The following BPIFB2 variants were observed in gnomAD, a reference collection of about 807,000 sequenced individuals.
BPIFB2 encodes BPI fold-containing family B member 2.
Under a neutral mutation model 50.1 loss-of-function variants are expected in BPIFB2, and 39 were observed. That is an observed-to-expected ratio of 0.78 (90% confidence interval 0.60 to 1.02). BPIFB2 has a LOEUF of 1.02. Among genes scored for constraint, BPIFB2 ranks in the 50% least tolerant of loss-of-function variants. The pLI, the probability that BPIFB2 is intolerant of heterozygous loss-of-function variation, is 0.00. For synonymous variants in BPIFB2, 280 were observed against 256.3 expected, an observed-to-expected ratio of 1.09 and a Z score of -0.88; for missense variants, 574 against 585.8, an observed-to-expected ratio of 0.98 and a Z score of 0.21.
chr20:33,011,065 G>T lies in BPIFB2; in HGVS notation c.151G>T (p.Val51Phe). Residue 51 changes from valine (V) to phenylalanine (F), a missense_variant, in exon 3 of 16, where the codon GTC (valine) becomes TTC (phenylalanine). Physicochemically the swap from Val to Phe is conservative, Grantham distance 50 (BLOSUM62 -1). Transcript: ENST00000170150. ...AGCCCCTCTCCAGCGGGCCCTGCAG[G>T]TCACTGTCCCTCATTTCCTGGACTG... ...GKAPLQRALQ[V>F]TVPHFLDWSG... is the part of the protein sequence containing the mutation. The T allele has an allele frequency of 1.9e-6, 3 of 1,614,070 alleles. No individual in the cohort carries two copies. The highest frequency in any genetic ancestry group is 2.5e-6 in the Non-Finnish European group (3 of 1,180,002).
rs748615418 is a variant in BPIFB2, at chr20:33,013,828, G to A, written c.327G>A (p.Glu109=). 1.3e-5 allele frequency: 21 copies of A among 1,613,640 alleles called. No individual in the cohort carries two copies. In the South Asian group the frequency reaches 2.2e-4, roughly 17 times the overall value. The part of the protein sequence containing the change: ...FKVFRAPEPL[E]LTLPVELLAD... ...CCTACAGCGCCCCAGAGCCCCTGGA[G>A]CTGACGCTGCCTGTGGAACTGCTGG... is the stretch of plus-strand genomic sequence containing the variant. Residue 109 remains glutamate, a synonymous_variant, in exon 5 of 16, where the codon GAG becomes GAA. Transcript: ENST00000170150.
chr20:33,021,756 T>G lies in BPIFB2; in HGVS notation c.1292T>G (p.Val431Gly). 6.2e-7 allele frequency: 1 copy of G among 1,614,160 alleles called. No homozygotes were observed. Among genetic ancestry groups the G allele is most frequent in the Non-Finnish European group, 8.5e-7 (1 of 1,180,004 alleles). ...GCCATGGGAATTGCCCTCCCTGGTG[T>G]GGTCAACCTCCACTATGTCGCCCCT... ...LLAMGIALPGVVNLHYVAPEI... is the reference protein window; with the variant it reads ...LLAMGIALPGGVNLHYVAPEI... Residue 431 changes from valine to glycine, a missense_variant, in exon 15 of 16, where the codon GTG becomes GGG. By Grantham distance (109) the Val-to-Gly change is moderately radical. Coordinates refer to ENST00000170150, the MANE Select transcript of BPIFB2 (RefSeq NM_025227.3).
chr20:33,010,387 A>C (rs574980841), intron 2 of BPIFB2, among the ~76,000 whole-genome samples: 19 of 152,382 alleles, frequency 1.2e-4, no homozygotes, highest in Middle Eastern at 3.4e-3. Context: ...TATTACAAAA[A>C]TAAATAGCAA....
chr20:33,014,820 G>A (rs1978350543), intron 5 of BPIFB2, among the ~76,000 whole-genome samples: 1 of 152,238 alleles, frequency 6.6e-6, no homozygotes, highest in African/African-American at 2.4e-5. Flanking sequence ...TTACAGGCAG[G>A]GGATGCTCAC....
At position 33,020,576 on chromosome 20, in the gene BPIFB2, G is replaced by A; in HGVS notation, c.1183G>A (p.Gly395Ser). Reference protein sequence around the residue: ...VQLTVASSNVGFIDTDQVRTL... With the variant: ...VQLTVASSNVSFIDTDQVRTL... The stretch of plus-strand genomic sequence containing the variant: ...GCTCACGGTGGCCTCCTCCAACGTG[G>A]GCTTCATTGATGTGAGTGTGGGGCT... Residue 395 changes from glycine (G) to serine (S), a missense_variant, in exon 13 of 16, where the codon GGC becomes AGC. Coordinates refer to ENST00000170150, the MANE Select transcript of BPIFB2 (RefSeq NM_025227.3). 6.2e-7 allele frequency: 1 copy of A among 1,608,816 alleles called. No homozygotes were observed.
At chr20:33,016,916 G>T in intron 6 of BPIFB2, 126 bp from the exon 7 acceptor site, 1 of 813,808 alleles carries the variant, frequency 1.2e-6, no homozygotes, top group South Asian at 1.8e-5. Flanking sequence ...GTGGAGGAAG[G>T]GATTCCAGGC....
In BPIFB2 at chr20:33,021,433, C is replaced by T. The variant is rs553212275; in HGVS notation, c.1258+89C>T. The T allele has an allele frequency of 2.1e-6, 3 of 1,423,430 alleles. No homozygotes were observed. The African/African-American group carries it at 4.3e-5, about 20-fold the overall frequency. The allele number at this position is 1,423,430 out of a possible 1,614,324, so 88.2% of individuals were successfully genotyped here. A position where few individuals can be genotyped will look rare whatever the true frequency, so the allele number is the denominator to read the frequency against. On this transcript the variant is annotated intron_variant, in intron 14 of 15. Transcript: ENST00000170150. ...GTGCTCAATCCCAGCCCCCTTCCCA[C>T]CTCCCAGGCTCACAGGGTGAGAGGG...
intron 7 of BPIFB2, among the ~76,000 whole-genome samples, chr20:33,017,635 A>G (rs1438553045): frequency 1.3e-5 from 2 of 152,208 alleles, no homozygotes; most frequent in Non-Finnish European, 2.9e-5. Context: ...GTGATCTTGC[A>G]TAACTGGCCC....
Position 33,018,756 on chromosome 20 carries a change from G to A in BPIFB2, c.789G>A (p.Leu263=). ...CCACCGTGGGCCTCTCCCAGCAGCT[G>A]TTTGACTCTGCGCTCCTGCTGCTGC... ...SMATVGLSQQ[L]FDSALLLLQK... is the part of the protein sequence containing the mutation. The change falls in exon 9 of 16, where the codon CTG becomes CTA. Residue 263 remains leucine, a synonymous_variant. Coordinates refer to ENST00000170150, the MANE Select transcript of BPIFB2 (RefSeq NM_025227.3). The A allele has an allele frequency of 1.2e-6, 2 of 1,614,230 alleles. No individual in the cohort carries two copies. The highest frequency in any genetic ancestry group is 1.3e-5 in the African/African-American group (1 of 75,068).
rs763583629 is a variant in BPIFB2, at chr20:33,013,862, C to T, written c.361C>T (p.Arg121Cys). The change falls in exon 5 of 16, where the codon CGC becomes TGC. Residue 121 changes from arginine to cysteine, a missense_variant. Physicochemically the swap from Arg to Cys is radical, Grantham distance 180 (BLOSUM62 -3). Coordinates refer to ENST00000170150, the MANE Select transcript of BPIFB2 (RefSeq NM_025227.3). ...GCCTGTGGAACTGCTGGCTGACACC[C>T]GCGTGACCCAGAGCTCCATCAGGAC... Reference protein sequence around the residue: ...TLPVELLADTRVTQSSIRTPV... With the variant: ...TLPVELLADTCVTQSSIRTPV... 9.9e-6 allele frequency: 16 copies of T among 1,613,664 alleles called. No individual in the cohort carries two copies. The highest frequency in any genetic ancestry group is 5.0e-5 in the Admixed American group (3 of 59,936).
At chr20:33,018,181 A>C (rs1203832735) in intron 7 of BPIFB2, 78 bp from the exon 8 acceptor site, 2 of 1,131,560 alleles carry the variant, frequency 1.8e-6, no homozygotes, top group Non-Finnish European at 2.5e-6. Flanking sequence ...ACAATAAATA[A>C]ACTTTTCTGG....
rs377582611 is a variant in BPIFB2 at position 33,019,879 on chromosome 20, TCCCG to T, written c.1080+133_1080+136del. ...CTGTTCCTTGAATGTGTCAGGACAC[TCCCG>T]CCCCAGGACCTTTGCATGTGCTGAG... On this transcript the variant is annotated intron_variant, in intron 11 of 15. Coordinates refer to ENST00000170150, the MANE Select transcript of BPIFB2 (RefSeq NM_025227.3). 1.2e-4 allele frequency: 150 copies of T among 1,226,004 alleles called. No homozygotes were observed. The African/African-American group carries it at 2.0e-3, about 16-fold the overall frequency. The allele number at this position is 1,226,004 out of a possible 1,614,324, so 75.9% of individuals were successfully genotyped here.
chr20:33,011,070 T>C lies in BPIFB2; in HGVS notation c.156T>C (p.Thr52=). 6.2e-7 allele frequency: 1 copy of C among 1,614,096 alleles called. No individual in the cohort carries two copies. The highest frequency in any genetic ancestry group is 8.5e-7 in the Non-Finnish European group (1 of 1,179,992). Residue 52 remains threonine, a synonymous_variant, in exon 3 of 16, where the codon ACT becomes ACC. Transcript: ENST00000170150. ...KAPLQRALQV[T]VPHFLDWSGE... is the part of the protein sequence containing the mutation. ...CTCTCCAGCGGGCCCTGCAGGTCAC[T>C]GTCCCTCATTTCCTGGACTGGAGTG...
chr20:33,010,932 G>C, intron 2 of BPIFB2, 92 bp from the exon 3 acceptor site: 1 of 1,119,470 alleles, frequency 8.9e-7, no homozygotes, highest in Non-Finnish European at 1.3e-6. Context: ...AGTACCCTCT[G>C]CCCAAGGTGC....
At chr20:33,020,080 G>A (rs1025599383) in intron 11 of BPIFB2, among the ~76,000 whole-genome samples, 2 of 152,244 alleles carry the variant, frequency 1.3e-5, no homozygotes, top group Admixed American at 6.5e-5. Context: ...CTCTCTGAAA[G>A]GATGGCGCCT....
intron 1 of BPIFB2, 81 bp from the exon 2 acceptor site, chr20:33,008,460 C>G: frequency 1.3e-6 from 1 of 744,708 alleles, no homozygotes; most frequent in Non-Finnish European, 2.1e-6. Context: ...AGGGCTTGTT[C>G]CCTCCAGGCT....
chr20:33,020,520 A>G, intron 12 of BPIFB2, 22 bp from the exon 13 acceptor site: 1 of 1,602,456 alleles, frequency 6.2e-7, no homozygotes, highest in Non-Finnish European at 8.5e-7. Flanking sequence ...CCCTGTCCTG[A>G]ATTCTCCTGC....
Position 33,018,766 on chromosome 20 carries a change from G to C in BPIFB2, c.799G>C (p.Ala267Pro). ...VGLSQQLFDS[A>P]LLLLQKAGAL... Reference sequence around the variant, plus strand: ...CCTCTCCCAGCAGCTGTTTGACTCTGCGCTCCTGCTGCTGCAGAAGGCCGG... The same window carrying C: ...CCTCTCCCAGCAGCTGTTTGACTCTCCGCTCCTGCTGCTGCAGAAGGCCGG... Residue 267 changes from alanine (A) to proline (P), a missense_variant, in exon 9 of 16, where the codon GCG becomes CCG. Transcript: ENST00000170150. 1 of 1,614,178 alleles carries C rather than the reference G, an allele frequency of 6.2e-7. No individual in the cohort carries two copies. The highest frequency in any genetic ancestry group is 8.5e-7 in the Non-Finnish European group (1 of 1,180,024).
intron 10 of BPIFB2, among the ~76,000 whole-genome samples, chr20:33,019,332 T>A (rs1354756887): frequency 6.6e-6 from 1 of 152,164 alleles, no homozygotes; most frequent in Non-Finnish European, 1.5e-5. Flanking sequence ...CTGTTTGGAA[T>A]GTCTTTCTCC....
Sources: allele counts gnomAD v4.1 joint callset (sites outside exome capture counted in the v4.1 genomes callset), GRCh38; gene constraint gnomAD v4.1.1; transcripts MANE v1.5; gene names NCBI Gene and HGNC (gene_info 2026-07-23, HGNC 2026-07-21).